The following ZNF385D variants were observed in gnomAD, a reference collection of about 807,000 sequenced individuals.
ZNF385D encodes zinc finger protein 385D.
Under a neutral mutation model 35.8 loss-of-function variants are expected in ZNF385D, and 15 were observed. That is an observed-to-expected ratio of 0.42 (90% CI 0.28 to 0.64). The LOEUF is 0.64. Among genes scored for constraint, ZNF385D ranks in the 30% least tolerant of loss-of-function variants. The pLI, the probability that ZNF385D is intolerant of heterozygous loss-of-function variation, is 0.23. For synonymous variants in ZNF385D, 212 were observed against 186.8 expected, an observed-to-expected ratio of 1.13 and a Z score of -1.10; for missense variants, 474 against 494.6, an observed-to-expected ratio of 0.96 and a Z score of 0.39.
intron 4 of ZNF385D, among the ~76,000 whole-genome samples, chr3:21,440,385 A>T (rs1255020877): frequency 6.6e-6 from 1 of 152,124 alleles, no homozygotes; most frequent in African/African-American, 2.4e-5. Flanking sequence ...ACCTAAACTT[A>T]AGGACATTTA....
chr3:21,883,579 G>A (rs184087394), intron 3 of ZNF385D, among the ~76,000 whole-genome samples: 180 of 152,066 alleles, frequency 1.2e-3, no homozygotes, highest in African/African-American at 4.2e-3. Flanking sequence ...ATTTGACAGC[G>A]TTTCCCAAGA....
Position 21,592,258 on chromosome 3 carries a change from GATCTTTTA to G in ZNF385D, c.166-27582_166-27575del, listed in dbSNP as rs140742224. Among the ~76,000 whole-genome samples, 419 of 152,162 alleles carry G rather than the reference GATCTTTTA, an allele frequency of 2.8e-3. 2 individuals carry two copies. The highest frequency in any genetic ancestry group is 9.3e-3 in the African/African-American group (388 of 41,518). On this transcript the variant is annotated intron_variant, in intron 2 of 7. Coordinates refer to ENST00000281523, the MANE Select transcript of ZNF385D (RefSeq NM_024697.3). ...CCACATTCTTGCTGCTTTTCTGTAA[GATCTTTTA>G]TAAGATATGGCTTTTCTTCCCATCA...
intron 3 of ZNF385D, among the ~76,000 whole-genome samples, chr3:21,797,898 A>T (rs73820141): frequency 0.011 from 1,717 of 152,276 alleles, 37 homozygotes; most frequent in African/African-American, 0.039. Context: ...GGGCAGTGAA[A>T]ATACCCCATA....
intron 3 of ZNF385D, among the ~76,000 whole-genome samples, chr3:21,787,979 A>G (rs1314612710): frequency 5.0e-5 from 5 of 100,644 alleles, no homozygotes; most frequent in African/African-American, 7.5e-5. Flanking sequence ...AAAAAAAAAA[A>G]AAAGAGAGAG....
chr3:22,048,433 A>G (rs557520227), intron 3 of ZNF385D, among the ~76,000 whole-genome samples: 1 of 152,266 alleles, frequency 6.6e-6, no homozygotes, highest in South Asian at 2.1e-4. Flanking sequence ...GGGGTGCAAG[A>G]TAAGGATTAA....
chr3:22,265,267 A>T (rs1289514807), intron 2 of ZNF385D, among the ~76,000 whole-genome samples: 2 of 152,014 alleles, frequency 1.3e-5, no homozygotes, highest in Admixed American at 1.3e-4. Flanking sequence ...GACCTCTCTG[A>T]GGAGGTGATG....
chr3:22,159,014 T>C (rs1394070135), intron 3 of ZNF385D, among the ~76,000 whole-genome samples: 1 of 151,960 alleles, frequency 6.6e-6, no homozygotes, highest in African/African-American at 2.4e-5. Context: ...CCTAAGATTA[T>C]AGATAGGAAA....
intron 3 of ZNF385D, among the ~76,000 whole-genome samples, chr3:22,156,867 C>T (rs1383691690): frequency 1.3e-5 from 2 of 152,130 alleles, no homozygotes; most frequent in Admixed American, 6.6e-5. Context: ...GAGAAACACT[C>T]TACTTCTCAA....
chr3:22,190,682 A>C (rs1380009747), intron 2 of ZNF385D, among the ~76,000 whole-genome samples: 2 of 152,204 alleles, frequency 1.3e-5, no homozygotes, highest in African/African-American at 4.8e-5. Context: ...ACTGTCCCCT[A>C]TGAATAACCT....
intron 4 of ZNF385D, among the ~76,000 whole-genome samples, chr3:21,438,310 TG>T (rs1342278457): frequency 6.6e-6 from 1 of 152,204 alleles, no homozygotes; most frequent in Non-Finnish European, 1.5e-5. Context: ...CTATTGAAGC[TG>T]TCTCTCATTC....
chr3:22,364,459 T>C (rs1185353528), intron 2 of ZNF385D, among the ~76,000 whole-genome samples: 1 of 151,932 alleles, frequency 6.6e-6, no homozygotes, highest in Non-Finnish European at 1.5e-5. Context: ...AATATTGCTT[T>C]AAAGGAGACA....
At chr3:21,593,974 G>A (rs553132656) in intron 2 of ZNF385D, among the ~76,000 whole-genome samples, 1 of 152,132 alleles carries the variant, frequency 6.6e-6, no homozygotes, top group Non-Finnish European at 1.5e-5. Flanking sequence ...GCTTGACCTA[G>A]TAATGAGTGG....
intron 3 of ZNF385D, among the ~76,000 whole-genome samples, chr3:22,036,937 C>A (rs946278668): frequency 6.8e-6 from 1 of 146,962 alleles, no homozygotes; most frequent in Admixed American, 7.0e-5. Flanking sequence ...TGTTCAATTC[C>A]CACCTATGAG....
chr3:21,949,546 C>CTTTTTTTTTTTTTTTTT (rs1553705221), intron 3 of ZNF385D, among the ~76,000 whole-genome samples: 1 of 31,158 alleles, frequency 3.2e-5, no homozygotes, highest in Non-Finnish European at 6.6e-5. Flanking sequence ...TCCTTCTTTT[C>CTTTTTTTTTTTTTTTTT]TTTCTTTCTT....
chr3:21,798,189 C>G (rs1351652510), intron 3 of ZNF385D, among the ~76,000 whole-genome samples: 1 of 152,142 alleles, frequency 6.6e-6, no homozygotes, highest in African/African-American at 2.4e-5. Context: ...CCAATAACTG[C>G]TCTAAAAAAT....
At chr3:22,245,222 T>C (rs189654599) in intron 2 of ZNF385D, among the ~76,000 whole-genome samples, 6 of 152,218 alleles carry the variant, frequency 3.9e-5, no homozygotes, top group Admixed American at 3.9e-4. Flanking sequence ...AATATAAATT[T>C]TTCAGCTACA....
chr3:21,751,342 G>A (rs1486469980), upstream of ZNF385D: 3 of 1,052,472 alleles, frequency 2.9e-6, no homozygotes. Flanking sequence ...CCAGAGACTT[G>A]GGAAGGGGCG....
intron 2 of ZNF385D, among the ~76,000 whole-genome samples, chr3:21,594,918 T>C (rs1442477014): frequency 6.6e-6 from 1 of 152,230 alleles, no homozygotes; most frequent in Non-Finnish European, 1.5e-5. Flanking sequence ...ATGTATTATA[T>C]AGTCAATCAA....
In ZNF385D at chr3:21,751,040, A is replaced by G; in HGVS notation, c.-124T>C. The G allele has an allele frequency of 6.4e-7, 1 of 1,563,704 alleles. No homozygotes were observed. The highest frequency in any genetic ancestry group is 8.7e-7 in the Non-Finnish European group (1 of 1,154,680). On this transcript the variant is annotated 5_prime_UTR_variant, in exon 1 of 8. Coordinates refer to ENST00000281523, the MANE Select transcript of ZNF385D (RefSeq NM_024697.3). ...AATGTCCCCGGCGTGGAGAGCAGTG[A>G]GCGCCGAGAGCGTGCCTCCTCCGCG...
Sources: allele counts gnomAD v4.1 joint callset (sites outside exome capture counted in the v4.1 genomes callset), GRCh38; gene constraint gnomAD v4.1.1; transcripts MANE v1.5; gene names NCBI Gene and HGNC (gene_info 2026-07-23, HGNC 2026-07-21).